The following PDGFD variants were observed in gnomAD, a reference collection of about 807,000 sequenced individuals.
PDGFD encodes platelet-derived growth factor D.
In PDGFD, 30 loss-of-function variants were observed where a neutral mutation model predicts 44.7. That is an observed-to-expected ratio of 0.67 (90% CI 0.50 to 0.91). The LOEUF (loss-of-function observed/expected upper bound fraction) is 0.91, where lower values mean the gene tolerates loss of function less well. Among genes scored for constraint, PDGFD ranks in the 40% least tolerant of loss-of-function variants. The pLI is 0.00. For missense variants in PDGFD, 445 were observed against 457.8 expected (o/e 0.97, Z 0.25); for synonymous variants, 173 against 168.4 (o/e 1.03, Z -0.21).
At chr11:103,978,595 C>G (rs192608170) in intron 3 of PDGFD, among the ~76,000 whole-genome samples, 4 of 151,992 alleles carry the variant, frequency 2.6e-5, no homozygotes, top group Admixed American at 6.6e-5. Flanking sequence ...ACCTCAAGAC[C>G]ATGTGAGTCA....
intron 1 of PDGFD, among the ~76,000 whole-genome samples, chr11:104,088,728 C>A (rs1476362874): frequency 6.6e-6 from 1 of 152,072 alleles, no homozygotes; most frequent in Non-Finnish European, 1.5e-5. Flanking sequence ...TCTTCTGAAC[C>A]AACAAAGGTC....
chr11:104,058,633 G>A (rs559017084), intron 1 of PDGFD, among the ~76,000 whole-genome samples: 2 of 152,126 alleles, frequency 1.3e-5, no homozygotes, highest in Non-Finnish European at 2.9e-5. Flanking sequence ...CACACTCATA[G>A]GTATTTATGC....
chr11:104,142,839 G>A (rs865977637), intron 1 of PDGFD, among the ~76,000 whole-genome samples: 1 of 152,316 alleles, frequency 6.6e-6, no homozygotes, highest in African/African-American at 2.4e-5. Flanking sequence ...CAGGGGCAAT[G>A]ATGTAGGCTG....
chr11:104,049,095 T>C (rs1860486727), intron 1 of PDGFD, among the ~76,000 whole-genome samples: 1 of 152,184 alleles, frequency 6.6e-6, no homozygotes, highest in African/African-American at 2.4e-5. Flanking sequence ...TAAATCACTC[T>C]ATCATATTAC....
intron 1 of PDGFD, among the ~76,000 whole-genome samples, chr11:104,101,193 C>G (rs1230091747): frequency 6.6e-6 from 1 of 152,086 alleles, no homozygotes; most frequent in Non-Finnish European, 1.5e-5. Flanking sequence ...GATTGTATAT[C>G]TAGAAAACCC....
At chr11:103,931,644 T>C (rs1260216095) in intron 5 of PDGFD, among the ~76,000 whole-genome samples, 2 of 152,306 alleles carry the variant, frequency 1.3e-5, no homozygotes, top group South Asian at 4.1e-4. Flanking sequence ...TGGAGTGCAG[T>C]GGCATGATTT....
intron 3 of PDGFD, among the ~76,000 whole-genome samples, chr11:103,993,687 G>A (rs1193250639): frequency 2.6e-5 from 4 of 152,092 alleles, no homozygotes; most frequent in African/African-American, 7.2e-5. Flanking sequence ...TATCCCTGCT[G>A]AGCCAAGAAT....
intron 1 of PDGFD, among the ~76,000 whole-genome samples, chr11:104,082,798 A>G (rs1861065162): frequency 6.6e-6 from 1 of 151,998 alleles, no homozygotes; most frequent in Admixed American, 6.6e-5. Flanking sequence ...CACCCGGCTA[A>G]TATTTTAAAT....
intron 3 of PDGFD, among the ~76,000 whole-genome samples, chr11:103,973,337 C>A (rs1403160037): frequency 6.7e-6 from 1 of 149,372 alleles, no homozygotes; most frequent in Non-Finnish European, 1.5e-5. Context: ...TTAGTAGAGA[C>A]GAGGTTTCAC....
chr11:104,058,533 C>T (rs1043797218), intron 1 of PDGFD, among the ~76,000 whole-genome samples: 4 of 152,196 alleles, frequency 2.6e-5, no homozygotes, highest in Non-Finnish European at 5.9e-5. Flanking sequence ...AGATCTGGAA[C>T]TCTCATGTAT....
intron 1 of PDGFD, among the ~76,000 whole-genome samples, chr11:104,020,578 T>C (rs1181334771): frequency 6.6e-6 from 1 of 152,154 alleles, no homozygotes; most frequent in East Asian, 1.9e-4. Context: ...TTTTAGAATA[T>C]GATAGAAGAG....
chr11:104,003,406 T>C (rs12576950), intron 1 of PDGFD, among the ~76,000 whole-genome samples: 1 of 152,192 alleles, frequency 6.6e-6, no homozygotes, highest in East Asian at 1.9e-4. Flanking sequence ...AAGATTAGCC[T>C]GTTGGTGATA....
chr11:104,054,292 C>T (rs888913764), intron 1 of PDGFD, among the ~76,000 whole-genome samples: 1 of 152,200 alleles, frequency 6.6e-6, no homozygotes, highest in African/African-American at 2.4e-5. Context: ...ACTCAATGTC[C>T]TCATCCAGAC....
Position 103,959,171 on chromosome 11 carries a change from C to T in PDGFD, c.511-11447G>A, listed in dbSNP as rs78236767. Among the ~76,000 whole-genome samples the T allele has an allele frequency of 1.5e-3, 221 of 152,214 alleles. 1 individual carries two copies. Among genetic ancestry groups the T allele is most frequent in the African/African-American group, 5.1e-3 (211 of 41,548 alleles). Reference sequence around the variant, plus strand: ...GGTATTTCCTAGTGAGGTGACTTTGCGTTGTGACACCTTTTCCCTCTACAC... The same window carrying T: ...GGTATTTCCTAGTGAGGTGACTTTGTGTTGTGACACCTTTTCCCTCTACAC... On this transcript the variant is annotated intron_variant, in intron 3 of 6. Coordinates refer to ENST00000393158, the MANE Select transcript of PDGFD (RefSeq NM_025208.5).
At chr11:104,109,603 T>A (rs1861522465) in intron 1 of PDGFD, among the ~76,000 whole-genome samples, 1 of 152,132 alleles carries the variant, frequency 6.6e-6, no homozygotes, top group African/African-American at 2.4e-5. Flanking sequence ...CAAGAATATT[T>A]GTTGCAATTT....
At chr11:103,995,316 G>GT (rs1274818876) in intron 3 of PDGFD, among the ~76,000 whole-genome samples, 7 of 152,224 alleles carry the variant, frequency 4.6e-5, no homozygotes, top group Admixed American at 4.6e-4. Context: ...ACTTACTATT[G>GT]TTTTATTAAT....
At chr11:104,093,699 A>C (rs590216) in intron 1 of PDGFD, among the ~76,000 whole-genome samples, 106,725 of 151,412 alleles carry the variant, frequency 0.7, 37,966 homozygotes, top group East Asian at 0.98. Flanking sequence ...AGAATCTATG[A>C]GGCTTTAACT....
At chr11:104,097,699 C>T (rs781074987) in intron 1 of PDGFD, among the ~76,000 whole-genome samples, 7 of 152,154 alleles carry the variant, frequency 4.6e-5, no homozygotes, top group Non-Finnish European at 1.5e-5. Flanking sequence ...TTCTAACAAT[C>T]CCCGCACCAA....
At chr11:104,037,887 C>T in intron 1 of PDGFD, 1 of 1,614,190 alleles carries the variant, frequency 6.2e-7, no homozygotes, top group Non-Finnish European at 8.5e-7. Flanking sequence ...GCACCACTGG[C>T]ACGCAGACTT....
Sources: allele counts gnomAD v4.1 joint callset (sites outside exome capture counted in the v4.1 genomes callset), GRCh38; gene constraint gnomAD v4.1.1; transcripts MANE v1.5; gene names NCBI Gene and HGNC (gene_info 2026-07-23, HGNC 2026-07-21).